Variants in ACYP2 observed in about 807,000 individuals in gnomAD.
ACYP2 encodes acylphosphatase 2, also known as acylphosphatase-2.
In ACYP2, 12 loss-of-function variants were observed where a neutral mutation model predicts 11.2. The ratio of observed to expected loss-of-function variants is 1.08; its 90% CI spans 0.69 to 1.74. ACYP2 has a LOEUF of 1.74. Ranked by LOEUF, ACYP2 falls within the 40% of genes most tolerant of loss-of-function variation. ACYP2 has a pLI of 0.00. For synonymous variants in ACYP2, 43 were observed against 32.2 expected, an observed-to-expected ratio of 1.33 and a Z score of -1.13; for missense variants, 134 against 101.9, an observed-to-expected ratio of 1.31 and a Z score of -1.35.
At chr2:54,135,801 C>G (rs10173565) in intron 5 of ACYP2, among the ~76,000 whole-genome samples, 39,745 of 152,076 alleles carry the variant, frequency 0.26, 5,349 homozygotes, top group African/African-American at 0.34. Flanking sequence ...CTCTAGGCAA[C>G]GGTACATATG....
chr2:54,176,431 G>A (rs1683462638), intron 6 of ACYP2, among the ~76,000 whole-genome samples: 1 of 152,210 alleles, frequency 6.6e-6, no homozygotes, highest in African/African-American at 2.4e-5. Flanking sequence ...TGGTTGTTGA[G>A]CTGTCATACC....
intron 1 of ACYP2, among the ~76,000 whole-genome samples, chr2:53,973,432 A>G (rs1671273581): frequency 6.6e-6 from 1 of 152,192 alleles, no homozygotes; most frequent in Non-Finnish European, 1.5e-5. Flanking sequence ...ATCCACAAAA[A>G]AAGTGAAAAT....
At chr2:54,081,810 G>A (rs1372293082) in intron 4 of ACYP2, among the ~76,000 whole-genome samples, 1 of 152,172 alleles carries the variant, frequency 6.6e-6, no homozygotes, top group East Asian at 1.9e-4. Flanking sequence ...TCCCATGTGT[G>A]GCCACCTGGA....
At chr2:54,047,273 T>C (rs1175352208) in intron 2 of ACYP2, among the ~76,000 whole-genome samples, 1 of 152,198 alleles carries the variant, frequency 6.6e-6, no homozygotes, top group East Asian at 1.9e-4. Context: ...GTAGGTGTTA[T>C]TTCAAATCTG....
At chr2:54,235,175 T>C (rs1168150099) in intron 6 of ACYP2, among the ~76,000 whole-genome samples, 1 of 152,242 alleles carries the variant, frequency 6.6e-6, no homozygotes, top group African/African-American at 2.4e-5. Flanking sequence ...GCCCTTCTCA[T>C]ACTTTAGTAT....
chr2:54,244,184 T>G lies in ACYP2; in HGVS notation c.405-60504T>G, dbSNP rs572632362. On this transcript the variant is annotated intron_variant, in intron 6 of 6. Transcript: ENST00000607452. ...AGTTGTTCGTCTTTTCCTCACTGAT[T>G]TAACTTATGTATTTATGTATTTATT... is the stretch of plus-strand genomic sequence containing the variant. 3.3e-5 allele frequency among the ~76,000 whole-genome samples: 5 copies of G among 152,216 alleles called. No homozygotes were observed. The East Asian group carries it at 9.7e-4, about 29-fold the overall frequency.
At chr2:54,182,047 ATTT>A (rs35145998) in intron 6 of ACYP2, among the ~76,000 whole-genome samples, 2 of 83,058 alleles carry the variant, frequency 2.4e-5, no homozygotes, top group African/African-American at 5.2e-5. Context: ...ATAGAAGATA[ATTT>A]TTTTTTTTTT....
chr2:54,304,014 A>G (rs1573080261), intron 6 of ACYP2, among the ~76,000 whole-genome samples: 1 of 152,344 alleles, frequency 6.6e-6, no homozygotes, highest in African/African-American at 2.4e-5. Context: ...GATATCACTA[A>G]TAAGATAAAC....
chr2:54,200,542 T>C (rs1251639944), intron 6 of ACYP2, among the ~76,000 whole-genome samples: 1 of 152,196 alleles, frequency 6.6e-6, no homozygotes, highest in African/African-American at 2.4e-5. Flanking sequence ...CTGGCTTCTT[T>C]CACTGAGGAT....
chr2:54,208,088 T>C (rs1685157250), intron 6 of ACYP2, among the ~76,000 whole-genome samples: 1 of 152,176 alleles, frequency 6.6e-6, no homozygotes, highest in Non-Finnish European at 1.5e-5. Context: ...AAGCTTGCTG[T>C]TCATCTGACC....
At chr2:54,077,736 A>G (rs1434242487) in intron 4 of ACYP2, among the ~76,000 whole-genome samples, 1 of 152,230 alleles carries the variant, frequency 6.6e-6, no homozygotes, top group Non-Finnish European at 1.5e-5. Flanking sequence ...TTATGTTCCC[A>G]GCAAACTAAG....
At chr2:54,302,227 T>C (rs1164162631) in intron 6 of ACYP2, among the ~76,000 whole-genome samples, 2 of 152,320 alleles carry the variant, frequency 1.3e-5, no homozygotes, top group South Asian at 2.1e-4. Flanking sequence ...TTGAGCCCAT[T>C]CAAATATGGT....
chr2:54,037,368 G>T (rs1291550837), intron 2 of ACYP2, among the ~76,000 whole-genome samples: 1 of 152,010 alleles, frequency 6.6e-6, no homozygotes, highest in Non-Finnish European at 1.5e-5. Flanking sequence ...ACCTGTCTCA[G>T]CTTCCCAAAT....
intron 2 of ACYP2, among the ~76,000 whole-genome samples, chr2:53,998,440 C>T (rs966999622): frequency 6.6e-6 from 1 of 152,128 alleles, no homozygotes; most frequent in Non-Finnish European, 1.5e-5. Context: ...GATTAATAAA[C>T]GAATTGGTTG....
chr2:54,118,349 G>T (rs1283263542), intron 4 of ACYP2, among the ~76,000 whole-genome samples: 8 of 152,212 alleles, frequency 5.3e-5, no homozygotes, highest in African/African-American at 1.9e-4. Context: ...CAGTAGTGAA[G>T]GAGTCTGTGT....
At chr2:54,086,758 G>T (rs1192998794) in intron 4 of ACYP2, among the ~76,000 whole-genome samples, 1 of 152,218 alleles carries the variant, frequency 6.6e-6, no homozygotes, top group East Asian at 1.9e-4. Flanking sequence ...CATAGATGAA[G>T]CCAGTGTTTC....
intron 4 of ACYP2, among the ~76,000 whole-genome samples, chr2:54,061,778 A>G (rs1676481733): frequency 6.6e-6 from 1 of 152,208 alleles, no homozygotes; most frequent in Non-Finnish European, 1.5e-5. Context: ...TCAGAACTAT[A>G]AAATCAAGGT....
chr2:54,284,481 C>T (rs373209010), intron 6 of ACYP2, among the ~76,000 whole-genome samples: 99 of 152,218 alleles, frequency 6.5e-4, no homozygotes, highest in African/African-American at 2.2e-3. Context: ...TTTCATTCTC[C>T]TGTGTGTCTC....
At chr2:54,124,875 C>T (rs1572810633) in intron 4 of ACYP2, among the ~76,000 whole-genome samples, 1 of 152,130 alleles carries the variant, frequency 6.6e-6, no homozygotes, top group East Asian at 1.9e-4. Flanking sequence ...ATCTAAGACG[C>T]ATGTGCTAAC....
Sources: allele counts gnomAD v4.1 joint callset (sites outside exome capture counted in the v4.1 genomes callset), GRCh38; gene constraint gnomAD v4.1.1; transcripts MANE v1.5; gene names NCBI Gene and HGNC (gene_info 2026-07-23, HGNC 2026-07-21).